Variants in RBM39 observed in about 807,000 individuals in gnomAD.
RBM39 encodes RNA-binding protein 39.
A neutral mutation model predicts 79.6 loss-of-function variants in RBM39; 12 were observed. That is an observed-to-expected ratio of 0.15 (90% CI 0.10 to 0.24). The LOEUF is 0.24. RBM39 is among the 10% of genes least tolerant of loss of function. The pLI, the probability that RBM39 is intolerant of heterozygous loss-of-function variation, is 1.00. For missense variants in RBM39, 243 were observed against 653.4 expected (o/e 0.37, Z 6.85); for synonymous variants, 185 against 208.4 (o/e 0.89, Z 0.97).
At chr20:35,741,030 C>CTTTTTTTATTTTTTTTTTTTTTTTTTT in intron 1 of RBM39, 143 bp from the exon 2 acceptor site, 1 of 118,630 alleles carries the variant, frequency 8.4e-6, no homozygotes, top group Admixed American at 1.6e-4. Flanking sequence ...AAACATTTTT[C>CTTTTTTTATTTTTTTTTTTTTTTTTTT]TTTTTTTTTT....
intron 8 of RBM39, among the ~76,000 whole-genome samples, chr20:35,722,759 C>T (rs1014927379): frequency 6.6e-6 from 1 of 151,560 alleles, no homozygotes; most frequent in Non-Finnish European, 1.5e-5. Context: ...CAGTGAAACC[C>T]CGTCTCTACT....
chr20:35,716,320 C>T (rs958033980), intron 10 of RBM39, among the ~76,000 whole-genome samples: 5 of 152,166 alleles, frequency 3.3e-5, no homozygotes, highest in Admixed American at 6.5e-5. Flanking sequence ...GTGATCCACC[C>T]GCCTCGGCCT....
At chr20:35,723,906 T>C (rs2038321683) in intron 8 of RBM39, among the ~76,000 whole-genome samples, 1 of 152,122 alleles carries the variant, frequency 6.6e-6, no homozygotes, top group Non-Finnish European at 1.5e-5. Context: ...CTGGGAGTGG[T>C]GGCACGCACC....
intron 3 of RBM39, chr20:35,732,826 G>C (rs1383680661): frequency 6.6e-6 from 1 of 152,118 alleles, no homozygotes; most frequent in East Asian, 1.9e-4. Context: ...ACTTACAATA[G>C]AATATTTTCA....
intron 13 of RBM39, among the ~76,000 whole-genome samples, chr20:35,708,545 T>C (rs2425077): frequency 0.021 from 3,176 of 152,204 alleles, 110 homozygotes; most frequent in African/African-American, 0.073. Context: ...AATTTAATTC[T>C]TGACTGTGAT....
chr20:35,730,660 A>C (rs1006042023), intron 4 of RBM39, among the ~76,000 whole-genome samples: 3 of 152,096 alleles, frequency 2.0e-5, no homozygotes, highest in Non-Finnish European at 4.4e-5. Context: ...CCCAGCAAAC[A>C]AAGTATCCAT....
At position 35,711,838 on chromosome 20, in the gene RBM39, G is replaced by GTA. The variant is rs747825550; in HGVS notation, c.1174+1179_1174+1180dup. Among the ~76,000 whole-genome samples the GTA allele has an allele frequency of 4.8e-4, 73 of 151,928 alleles. No homozygotes were observed. In the Middle Eastern group the frequency reaches 0.01, roughly 21 times the overall value. On this transcript the variant is annotated intron_variant, in intron 12 of 16. Transcript: ENST00000253363. ...ATCTTCTCAGTTACAGTCTCACTTC[G>GTA]TATATATATATAAGGTCAAAGGACC...
rs369278857 is a variant in RBM39, at chr20:35,712,988, G to T, written c.1174+31C>A. 2.1e-4 allele frequency: 324 copies of T among 1,569,610 alleles called. 2 individuals carry two copies. Among genetic ancestry groups the T allele is most frequent in the Non-Finnish European group, 2.6e-4 (298 of 1,160,854 alleles). On this transcript the variant is annotated intron_variant, in intron 12 of 16. Coordinates refer to ENST00000253363, the MANE Select transcript of RBM39 (RefSeq NM_184234.3). ...AAATTTTCGAATTAGATGAAAAAACGATTTAAAATTAGAAAAGATTCAATT... is the reference window on the plus strand; with the variant it reads ...AAATTTTCGAATTAGATGAAAAAACTATTTAAAATTAGAAAAGATTCAATT...
chr20:35,713,149 G>A, intron 11 of RBM39, 53 bp from the exon 12 acceptor site: 1 of 1,467,192 alleles, frequency 6.8e-7, no homozygotes, highest in South Asian at 1.2e-5. Flanking sequence ...GAGAAACGAA[G>A]TTTCCTGGGT....
intron 12 of RBM39, among the ~76,000 whole-genome samples, chr20:35,709,751 GGAA>G (rs1212770793): frequency 1.3e-5 from 2 of 152,102 alleles, no homozygotes; most frequent in African/African-American, 4.8e-5. Context: ...TCCCAATTTA[GGAA>G]GAACATCACC....
chr20:35,739,181 G>A, intron 2 of RBM39, 164 bp from the exon 3 acceptor site: 1 of 667,826 alleles, frequency 1.5e-6, no homozygotes, highest in South Asian at 1.8e-5. Context: ...ATGGGTATGT[G>A]TTTAACCACT....
Position 35,714,241 on chromosome 20 carries a change from G to C in RBM39, c.1040C>G (p.Thr347Ser). ...ACCAGTTGTTCCCAAATCAATTCCAGTCCTTTCCAGTTCATCACTGTCCAA... is the reference window on the plus strand; with the variant it reads ...ACCAGTTGTTCCCAAATCAATTCCACTCCTTTCCAGTTCATCACTGTCCAA... ...SFLDSDELER[T>S]GIDLGTTGRL... The change falls in exon 11 of 17, where the codon ACT becomes AGT. Residue 347 changes from threonine to serine, a missense_variant. Coordinates refer to ENST00000253363, the MANE Select transcript of RBM39 (RefSeq NM_184234.3). 6.2e-7 allele frequency: 1 copy of C among 1,613,874 alleles called. No individual in the cohort carries two copies. The highest frequency in any genetic ancestry group is 8.5e-7 in the Non-Finnish European group (1 of 1,179,888).
chr20:35,718,339 G>A (rs1036764717), intron 9 of RBM39, among the ~76,000 whole-genome samples: 1 of 151,906 alleles, frequency 6.6e-6, no homozygotes, highest in Non-Finnish European at 1.5e-5. Context: ...GATGAAGTGG[G>A]ACTATGATAG....
rs779530911 is a variant in RBM39 at position 35,724,552 on chromosome 20, A to C, written c.687+18T>G. On this transcript the variant is annotated intron_variant, in intron 8 of 16. Transcript: ENST00000253363. ...CAACACCACCAATAATCAAACTCTT[A>C]ACCAACAAAAAAATTACCTGTGATG... 4 of 1,612,564 alleles carry C rather than the reference A, an allele frequency of 2.5e-6. No individual in the cohort carries two copies. Among genetic ancestry groups the C allele is most frequent in the Non-Finnish European group, 2.5e-6 (3 of 1,179,088 alleles).
At chr20:35,715,528 T>TA (rs1218742406) in intron 10 of RBM39, among the ~76,000 whole-genome samples, 2 of 152,052 alleles carry the variant, frequency 1.3e-5, no homozygotes, top group East Asian at 1.9e-4. Context: ...GTATGTACAT[T>TA]AAAAAAAGGA....
intron 3 of RBM39, chr20:35,734,607 C>T (rs2039714571): frequency 3.4e-6 from 1 of 294,230 alleles, no homozygotes; most frequent in East Asian, 7.2e-5. Flanking sequence ...GGACCCAAAA[C>T]TTATTCTGCC....
chr20:35,739,493 C>T (rs1004104562), intron 2 of RBM39: 4 of 471,146 alleles, frequency 8.5e-6, no homozygotes, highest in South Asian at 4.6e-5. Flanking sequence ...CGCCCATTTC[C>T]GTTGGAGGGT....
intron 10 of RBM39, among the ~76,000 whole-genome samples, chr20:35,716,521 G>T (rs375089673): frequency 7.9e-5 from 12 of 152,116 alleles, no homozygotes; most frequent in African/African-American, 2.2e-4. Flanking sequence ...ATTCATGTGT[G>T]AGCTGTGCCT....
At chr20:35,707,050 A>AAG (rs2035832194) in intron 14 of RBM39, 70 bp downstream of exon 14, 10 of 700,960 alleles carry the variant, frequency 1.4e-5, no homozygotes, top group Admixed American at 7.6e-5. Flanking sequence ...AAAAAAAAAA[A>AAG]AGAGAAATAT....
Sources: gnomAD v4.1 joint callset for allele counts (sites outside exome capture counted in the v4.1 genomes callset) on GRCh38, gnomAD v4.1.1 for gene constraint, MANE v1.5 for transcripts, NCBI Gene and HGNC (gene_info 2026-07-23, HGNC 2026-07-21) for gene names.